The following KHDRBS2 variants were observed in gnomAD, a reference collection of about 807,000 sequenced individuals.
KHDRBS2 encodes the protein KH RNA binding domain containing, signal transduction associated 2, also known as KH domain-containing, RNA-binding, signal transduction-associated protein 2.
In KHDRBS2, 26 loss-of-function variants were observed where a neutral mutation model predicts 44.3. That is an observed-to-expected ratio of 0.59 (90% CI 0.43 to 0.81). The LOEUF is 0.81. KHDRBS2 is among the 40% of genes least tolerant of loss of function. The pLI, the probability that KHDRBS2 is intolerant of heterozygous loss-of-function variation, is 0.00. For synonymous variants in KHDRBS2, 194 were observed against 151.1 expected, an observed-to-expected ratio of 1.28 and a Z score of -2.08; for missense variants, 476 against 433.1, an observed-to-expected ratio of 1.10 and a Z score of -0.88.
intron 6 of KHDRBS2, among the ~76,000 whole-genome samples, chr6:61,762,525 T>C (rs1779423091): frequency 6.6e-6 from 1 of 152,144 alleles, no homozygotes; most frequent in Admixed American, 6.6e-5. Context: ...AGCTAGTTGT[T>C]TGAATCTTGC....
the KHDRBS2 span, among the ~76,000 whole-genome samples, chr6:61,596,980 G>A: frequency 6.6e-6 from 1 of 152,040 alleles, no homozygotes; most frequent in Non-Finnish European, 1.5e-5. Flanking sequence ...ATGACTCTTA[G>A]GTGAAACAAA....
chr6:61,610,595 C>T, the KHDRBS2 span, among the ~76,000 whole-genome samples: 1 of 152,090 alleles, frequency 6.6e-6, no homozygotes, highest in African/African-American at 2.4e-5. Context: ...GTCTTAGTTC[C>T]TCACCATGTG....
chr6:61,940,251 A>T (rs1355830327), intron 4 of KHDRBS2, among the ~76,000 whole-genome samples: 1 of 152,066 alleles, frequency 6.6e-6, no homozygotes, highest in Non-Finnish European at 1.5e-5. Context: ...TCAAAAAAAA[A>T]AAAGAATATA....
intron 8 of KHDRBS2, among the ~76,000 whole-genome samples, chr6:61,682,630 T>C (rs1264040800): frequency 1.3e-5 from 2 of 151,916 alleles, no homozygotes; most frequent in Non-Finnish European, 2.9e-5. Context: ...ATTATACTGC[T>C]TGAAAAGCCT....
chr6:61,849,926 A>T (rs1795190120), intron 6 of KHDRBS2, among the ~76,000 whole-genome samples: 1 of 152,138 alleles, frequency 6.6e-6, no homozygotes, highest in Non-Finnish European at 1.5e-5. Flanking sequence ...ATTTAAATTA[A>T]TTTACTAGCA....
chr6:61,999,691 A>G (rs140174046), intron 3 of KHDRBS2, among the ~76,000 whole-genome samples: 1 of 152,282 alleles, frequency 6.6e-6, no homozygotes, highest in Non-Finnish European at 1.5e-5. Context: ...AGACCAGGTG[A>G]GTTTTGGTAA....
chr6:62,153,492 A>T (rs545228101), intron 2 of KHDRBS2, among the ~76,000 whole-genome samples: 2 of 93,662 alleles, frequency 2.1e-5, no homozygotes, highest in Non-Finnish European at 4.9e-5. Flanking sequence ...TTCAGCCTTT[A>T]TATTTTTTTT....
At chr6:61,698,878 G>T (rs1768228905) in intron 7 of KHDRBS2, among the ~76,000 whole-genome samples, 1 of 151,928 alleles carries the variant, frequency 6.6e-6, no homozygotes, top group Non-Finnish European at 1.5e-5. Flanking sequence ...TTCTTTCAGA[G>T]CTCACTCAAA....
rs142373096 is a variant in KHDRBS2 at position 62,182,967 on chromosome 6, C to G, written c.92-5655G>C. 3.3e-5 allele frequency among the ~76,000 whole-genome samples: 5 copies of G among 151,688 alleles called. No homozygotes were observed. In the East Asian group the frequency reaches 9.7e-4, roughly 29 times the overall value. ...TACCTTGTCAAGTTACTTTCTTAAC[C>G]CATGTGATTTTTTTCCTGCAACAAA... On this transcript the variant is annotated intron_variant, in intron 1 of 8. Coordinates refer to ENST00000281156, the MANE Select transcript of KHDRBS2 (RefSeq NM_152688.4).
chr6:61,741,243 G>GA (rs200877679), intron 6 of KHDRBS2, among the ~76,000 whole-genome samples: 1,796 of 148,648 alleles, frequency 0.012, 41 homozygotes, highest in African/African-American at 0.042. Context: ...GTTCTAAAAA[G>GA]AAAAAAAAAT....
chr6:62,031,062 A>G (rs1784254246), intron 3 of KHDRBS2, among the ~76,000 whole-genome samples: 1 of 152,142 alleles, frequency 6.6e-6, no homozygotes. Context: ...CTTATGCAAT[A>G]CTAGAAAAAG....
At chr6:61,684,902 ATAAAT>A (rs1766657697) in intron 8 of KHDRBS2, among the ~76,000 whole-genome samples, 3 of 151,148 alleles carry the variant, frequency 2.0e-5, no homozygotes. Context: ...GAAATATTAG[ATAAAT>A]TTATATTTAT....
At chr6:62,185,017 G>T (rs551423237) in intron 1 of KHDRBS2, among the ~76,000 whole-genome samples, 5 of 151,886 alleles carry the variant, frequency 3.3e-5, no homozygotes, top group Admixed American at 6.6e-5. Context: ...TCACCTGCTG[G>T]CTACATGATC....
chr6:61,893,523 G>C (rs1417366226), intron 6 of KHDRBS2, among the ~76,000 whole-genome samples: 1 of 152,174 alleles, frequency 6.6e-6, no homozygotes, highest in Non-Finnish European at 1.5e-5. Context: ...TGATAGACTG[G>C]ATTAAGAAAA....
At chr6:62,052,806 C>T (rs1427853905) in intron 2 of KHDRBS2, among the ~76,000 whole-genome samples, 1 of 151,972 alleles carries the variant, frequency 6.6e-6, no homozygotes, top group Non-Finnish European at 1.5e-5. Flanking sequence ...GGAGCTCAGG[C>T]AGTAATGGTA....
chr6:61,761,552 T>A (rs1169073289), intron 6 of KHDRBS2, among the ~76,000 whole-genome samples: 1 of 152,154 alleles, frequency 6.6e-6, no homozygotes, highest in Non-Finnish European at 1.5e-5. Flanking sequence ...TGGTACTATT[T>A]TTTCTGAGGA....
intron 6 of KHDRBS2, among the ~76,000 whole-genome samples, chr6:61,749,943 G>A (rs1465489699): frequency 1.3e-5 from 2 of 152,038 alleles, no homozygotes; most frequent in Non-Finnish European, 2.9e-5. Flanking sequence ...GTCTATATTT[G>A]TTATTGTTTT....
At chr6:62,234,718 A>G (rs1352869207) in intron 1 of KHDRBS2, among the ~76,000 whole-genome samples, 1 of 152,016 alleles carries the variant, frequency 6.6e-6, no homozygotes, top group Non-Finnish European at 1.5e-5. Flanking sequence ...TTGACTTGGG[A>G]AGTGAATGGT....
chr6:61,903,708 G>A (rs1275016139), intron 4 of KHDRBS2, among the ~76,000 whole-genome samples: 1 of 152,154 alleles, frequency 6.6e-6, no homozygotes, highest in Non-Finnish European at 1.5e-5. Context: ...ATCATGAAAA[G>A]AAGCAGAGAT....
Sources: allele counts gnomAD v4.1 joint callset (sites outside exome capture counted in the v4.1 genomes callset), GRCh38; gene constraint gnomAD v4.1.1; transcripts MANE v1.5; gene names NCBI Gene and HGNC (gene_info 2026-07-23, HGNC 2026-07-21).